Variants in SMIM33 observed in about 807,000 individuals in gnomAD.
The protein encoded by SMIM33 is small integral membrane protein 33.
intron 1 of SMIM33, 106 bp from the exon 2 acceptor site, chr5:139,472,426 C>A: frequency 1.1e-5 from 4 of 380,444 alleles, no homozygotes; most frequent in East Asian, 3.8e-5. Flanking sequence ...CTCCCGCCCT[C>A]AACCCCCCGC....
chr5:139,471,625 A>G (rs1265957928), intron 1 of SMIM33, among the ~76,000 whole-genome samples: 4 of 152,164 alleles, frequency 2.6e-5, no homozygotes, highest in South Asian at 2.1e-4. Flanking sequence ...GGGTGGAGTC[A>G]GACAGGGGTA....
rs1321925289 is a variant in SMIM33, at chr5:139,471,114, C to T, written c.-8C>T. Reference sequence around the variant, plus strand: ...CAGTCCCAAGGGAGCCCTGTGTCGGCCCGGACAATGCACCAGGTAGACTCT... The same window carrying T: ...CAGTCCCAAGGGAGCCCTGTGTCGGTCCGGACAATGCACCAGGTAGACTCT... On this transcript the variant is annotated 5_prime_UTR_variant, in exon 1 of 2. Coordinates refer to ENST00000637503, the MANE Select transcript of SMIM33 (RefSeq NM_001365197.1). The T allele has an allele frequency of 5.0e-6, 2 of 398,712 alleles. No homozygotes were observed. Among genetic ancestry groups the T allele is most frequent in the East Asian group, 3.6e-5 (1 of 28,070 alleles). The allele number at this position is 398,712 out of a possible 1,614,324, so 24.7% of individuals were successfully genotyped here. A position where few individuals can be genotyped will look rare whatever the true frequency, so the allele number is the denominator to read the frequency against.
chr5:139,471,641 C>T (rs1054214602), intron 1 of SMIM33, among the ~76,000 whole-genome samples: 1 of 152,102 alleles, frequency 6.6e-6, no homozygotes, highest in Non-Finnish European at 1.5e-5. Flanking sequence ...GGGTACGGAT[C>T]GTGACCCCCA....
In SMIM33 at chr5:139,472,654, G is replaced by A. The variant is rs1242687917; in HGVS notation, c.132G>A (p.Val44=). 1 of 400,712 alleles carries A rather than the reference G, an allele frequency of 2.5e-6. No homozygotes were observed. The highest frequency in any genetic ancestry group is 2.1e-5 in the African/African-American group (1 of 48,690). The allele number at this position is 400,712 out of a possible 1,614,324, so 24.8% of individuals were successfully genotyped here. ...AACCTCGAGTTGACGGGCTGCCTGT[G>A]GTCACCGTCATTGTCGCTGTCTTTG... ...WEQPRVDGLP[V]VTVIVAVFVL... is the part of the protein sequence containing the mutation. Residue 44 remains valine (V), a synonymous_variant, in exon 2 of 2, where the codon GTG becomes GTA. Coordinates refer to ENST00000637503, the MANE Select transcript of SMIM33 (RefSeq NM_001365197.1).
Position 139,471,930 on chromosome 5 carries a change from C to A in SMIM33, c.10-602C>A, listed in dbSNP as rs564660144. Among the ~76,000 whole-genome samples, 6 of 152,284 alleles carry A rather than the reference C, an allele frequency of 3.9e-5. No individual in the cohort carries two copies. The South Asian group carries it at 1.2e-3, about 32-fold the overall frequency. ...CTGTGTGAGTGGGGAGTAAGGGGAG[C>A]CTAAAATGCTGGACAAGGACCCCCT... is the stretch of plus-strand genomic sequence containing the variant. On this transcript the variant is annotated intron_variant, in intron 1 of 1. Transcript: ENST00000637503.
rs1458786093 is a variant in SMIM33 at position 139,471,200 on chromosome 5, C to T, written c.9+70C>T. On this transcript the variant is annotated intron_variant, in intron 1 of 1. Transcript: ENST00000637503. The stretch of plus-strand genomic sequence containing the variant: ...GCAGGGTCCCCCTGTCTGTCACCAG[C>T]CTCAGCTTCCCCTTTTCCTCTGCAC... 1.8e-5 allele frequency: 7 copies of T among 398,706 alleles called. No individual in the cohort carries two copies. The East Asian group carries it at 2.5e-4, about 14-fold the overall frequency. The allele number at this position is 398,706 out of a possible 1,614,324, so 24.7% of individuals were successfully genotyped here. A position where few individuals can be genotyped will look rare whatever the true frequency, so the allele number is the denominator to read the frequency against.
At position 139,472,819 on chromosome 5, in the gene SMIM33, C is replaced by T. The variant is rs1270773104; in HGVS notation, c.297C>T (p.Pro99=). 3 of 400,814 alleles carry T rather than the reference C, an allele frequency of 7.5e-6. No individual in the cohort carries two copies. The highest frequency in any genetic ancestry group is 4.1e-5 in the African/African-American group (2 of 48,724). The allele number at this position is 400,814 out of a possible 1,614,324, so 24.8% of individuals were successfully genotyped here. ...IYLIHWRVLG[P]QDSPEEAPPG... is the part of the protein sequence containing the mutation. ...TCATCCACTGGCGGGTGCTGGGCCC[C>T]CAAGACAGTCCTGAAGAAGCACCAC... The change falls in exon 2 of 2, where the codon CCC becomes CCT. Residue 99 remains proline (P), a synonymous_variant. Transcript: ENST00000637503.
In SMIM33 at chr5:139,471,004, T is replaced by G. The variant is rs941517664; in HGVS notation, c.-118T>G. 1 of 398,574 alleles carries G rather than the reference T, an allele frequency of 2.5e-6. No homozygotes were observed. The highest frequency in any genetic ancestry group is 2.1e-5 in the African/African-American group (1 of 48,608). 24.7% of individuals were successfully genotyped at this position (398,574 alleles called of 1,614,324 possible). A position where few individuals can be genotyped will look rare whatever the true frequency, so the allele number is the denominator to read the frequency against. ...GAGCGGTGAGAGTGTGTGCACAGGGTGTGTGCCCATGGGCCCCGCAGACGT... is the reference window on the plus strand; with the variant it reads ...GAGCGGTGAGAGTGTGTGCACAGGGGGTGTGCCCATGGGCCCCGCAGACGT... On this transcript the variant is annotated 5_prime_UTR_variant, in exon 1 of 2. Transcript: ENST00000637503.
At position 139,471,050 on chromosome 5, in the gene SMIM33, G is replaced by A; in HGVS notation, c.-72G>A. ...GACGTGGCAGCTCCGGGTAGGGGCT[G>A]AATTAGGGTGGCCAGCCCTCCTTTA... On this transcript the variant is annotated 5_prime_UTR_variant, in exon 1 of 2. An upstream open reading frame in the 5' UTR loses its in-frame stop. Coordinates refer to ENST00000637503, the MANE Select transcript of SMIM33 (RefSeq NM_001365197.1). The A allele has an allele frequency of 2.5e-6, 1 of 398,788 alleles. No individual in the cohort carries two copies. The allele number at this position is 398,788 out of a possible 1,614,324, so 24.7% of individuals were successfully genotyped here. A position where few individuals can be genotyped will look rare whatever the true frequency, so the allele number is the denominator to read the frequency against.
intron 1 of SMIM33, among the ~76,000 whole-genome samples, chr5:139,472,005 T>C (rs1751543112): frequency 6.6e-6 from 1 of 152,064 alleles, no homozygotes; most frequent in African/African-American, 2.4e-5. Context: ...GCCTAGGATG[T>C]GGGGACAGCA....
At chr5:139,472,021 T>C (rs1751543377) in intron 1 of SMIM33, among the ~76,000 whole-genome samples, 1 of 152,090 alleles carries the variant, frequency 6.6e-6, no homozygotes, top group African/African-American at 2.4e-5. Context: ...CAGCAGCCCA[T>C]AGCGTGCCAA....
chr5:139,471,127 C>A lies in SMIM33; in HGVS notation c.6C>A (p.His2Gln). 2.5e-6 allele frequency: 1 copy of A among 398,760 alleles called. No individual in the cohort carries two copies. Among genetic ancestry groups the A allele is most frequent in the Non-Finnish European group, 4.4e-6 (1 of 226,168 alleles). 24.7% of individuals were successfully genotyped at this position (398,760 alleles called of 1,614,324 possible). The change falls in exon 1 of 2, where the codon CAC becomes CAA. Residue 2 changes from histidine to glutamine, a missense_variant. Physicochemically the swap from His to Gln is conservative, Grantham distance 24. Transcript: ENST00000637503. M[H>Q]QAGHYSWPSP... Reference sequence around the variant, plus strand: ...GCCCTGTGTCGGCCCGGACAATGCACCAGGTAGACTCTGCTCACCCCTTCC... The same window carrying A: ...GCCCTGTGTCGGCCCGGACAATGCAACAGGTAGACTCTGCTCACCCCTTCC...
At chr5:139,471,451 G>C (rs1751533716) in intron 1 of SMIM33, among the ~76,000 whole-genome samples, 1 of 152,174 alleles carries the variant, frequency 6.6e-6, no homozygotes, top group Admixed American at 6.5e-5. Context: ...GGGTTAGAGA[G>C]AGGGGCTCCA....
In SMIM33 at chr5:139,472,885, A is replaced by C. The variant is rs1468640530; in HGVS notation, c.363A>C (p.Gly121=). 2.5e-6 allele frequency: 1 copy of C among 400,664 alleles called. No homozygotes were observed. Among genetic ancestry groups the C allele is most frequent in the Non-Finnish European group, 4.4e-6 (1 of 226,308 alleles). 24.8% of individuals were successfully genotyped at this position (400,664 alleles called of 1,614,324 possible). Reference sequence around the variant, plus strand: ...CTGGCTCCTGCCCTGCGCCAGATGGACCCAGGCCCAGCATCGATGAAGTCA... The same window carrying C: ...CTGGCTCCTGCCCTGCGCCAGATGGCCCCAGGCCCAGCATCGATGAAGTCA... ...LVPGSCPAPD[G]PRPSIDEVTC... The change falls in exon 2 of 2, where the codon GGA becomes GGC. Residue 121 remains glycine (G), a synonymous_variant. Transcript: ENST00000637503.
Position 139,473,512 on chromosome 5 carries a change from T to C in SMIM33, c.*591T>C, listed in dbSNP as rs1751572113. On this transcript the variant is annotated 3_prime_UTR_variant, in exon 2 of 2. Coordinates refer to ENST00000637503, the MANE Select transcript of SMIM33 (RefSeq NM_001365197.1). ...TTGTAAGCCCAAGCACAATTTATAG[T>C]TCAAAGATTGGCTTTCAAAGGCCCC... 6.6e-6 allele frequency: 1 copy of C among 152,202 alleles called. No individual in the cohort carries two copies. Among genetic ancestry groups the C allele is most frequent in the Non-Finnish European group, 1.5e-5 (1 of 68,032 alleles). 9.4% of individuals were successfully genotyped at this position (152,202 alleles called of 1,614,324 possible).
Position 139,473,245 on chromosome 5 carries a change from A to C in SMIM33, c.*324A>C. ...TCTCTGCCCCTTCATTGCACGCTTA[A>C]TCTCCTTCCTTTGTAATGTGAATCC... On this transcript the variant is annotated 3_prime_UTR_variant, in exon 2 of 2. Coordinates refer to ENST00000637503, the MANE Select transcript of SMIM33 (RefSeq NM_001365197.1). 4.5e-6 allele frequency: 1 copy of C among 221,434 alleles called. No homozygotes were observed. Among genetic ancestry groups the C allele is most frequent in the Non-Finnish European group, 8.8e-6 (1 of 113,926 alleles). The allele number at this position is 221,434 out of a possible 1,614,324, so 13.7% of individuals were successfully genotyped here.
rs911986105 is a variant in SMIM33, at chr5:139,473,584, G to C, written c.*663G>C. 3.9e-5 allele frequency: 6 copies of C among 152,260 alleles called. No homozygotes were observed. The highest frequency in any genetic ancestry group is 4.1e-4 in the South Asian group (2 of 4,834). The allele number at this position is 152,260 out of a possible 1,614,324, so 9.4% of individuals were successfully genotyped here. A position where few individuals can be genotyped will look rare whatever the true frequency, so the allele number is the denominator to read the frequency against. ...CCAGAAGGGATGGGGGAATTTGGGAGCCTCTCATTGCCTCCCACTTTCTGT... is the reference window on the plus strand; with the variant it reads ...CCAGAAGGGATGGGGGAATTTGGGACCCTCTCATTGCCTCCCACTTTCTGT... On this transcript the variant is annotated 3_prime_UTR_variant, in exon 2 of 2. Coordinates refer to ENST00000637503, the MANE Select transcript of SMIM33 (RefSeq NM_001365197.1).
chr5:139,471,732 G>A (rs762540008), intron 1 of SMIM33, among the ~76,000 whole-genome samples: 4 of 152,094 alleles, frequency 2.6e-5, no homozygotes, highest in Non-Finnish European at 5.9e-5. Context: ...GCAGAGCCAG[G>A]AGTCCACACT....
In SMIM33 at chr5:139,471,465, G is replaced by A. The variant is rs189767693; in HGVS notation, c.9+335G>A. Among the ~76,000 whole-genome samples the A allele has an allele frequency of 3.3e-5, 5 of 152,210 alleles. No homozygotes were observed. In the East Asian group the frequency reaches 5.8e-4, roughly 18 times the overall value. ...AGGGTTAGAGAGAGGGGCTCCACCC[G>A]CTAAGATTTGTTCCAGGATGGCCCA... On this transcript the variant is annotated intron_variant, in intron 1 of 1. Coordinates refer to ENST00000637503, the MANE Select transcript of SMIM33 (RefSeq NM_001365197.1).
Sources: allele counts gnomAD v4.1 joint callset (sites outside exome capture counted in the v4.1 genomes callset), GRCh38; gene constraint gnomAD v4.1.1; transcripts MANE v1.5; gene names NCBI Gene and HGNC (gene_info 2026-07-23, HGNC 2026-07-21).